MAD1L1: variants seen among roughly 807,000 people sequenced by gnomAD.
MAD1L1 encodes mitotic arrest deficient 1 like 1.
MAD1L1 carries 95 observed loss-of-function variants against 96.9 expected under a neutral mutation model. The ratio of observed to expected loss-of-function variants is 0.98; its 90% CI spans 0.83 to 1.16. The LOEUF is 1.16. Ranked by LOEUF, MAD1L1 falls within the 50% of genes most tolerant of loss-of-function variation. The probability of loss-of-function intolerance (pLI) is 0.00; values close to 1 mark genes in which losing one functional copy is unlikely to be tolerated. For missense variants in MAD1L1, 1,007 were observed against 954.4 expected (o/e 1.06, Z -0.73); for synonymous variants, 473 against 396.6 (o/e 1.19, Z -2.29).
intron 14 of MAD1L1, among the ~76,000 whole-genome samples, chr7:1,989,620 C>A (rs988674216): frequency 9.9e-5 from 15 of 152,240 alleles, no homozygotes; most frequent in African/African-American, 3.6e-4. Context: ...GCACAGACGT[C>A]CCGGCAGCGC....
At chr7:2,037,155 C>T (rs914250034) in intron 12 of MAD1L1, among the ~76,000 whole-genome samples, 2 of 152,120 alleles carry the variant, frequency 1.3e-5, no homozygotes, top group Admixed American at 6.5e-5. Context: ...GTTCCAGTGC[C>T]TTCTGCCACG....
rs758492197 is a variant in MAD1L1, at chr7:2,227,854, C to T, written c.150+2130G>A. Among the ~76,000 whole-genome samples, 16 of 152,332 alleles carry T rather than the reference C, an allele frequency of 1.1e-4. 1 individual carries two copies. The South Asian group carries it at 1.5e-3, about 14-fold the overall frequency. ...CGGCAGGGACCAGGAGTCCCAGACACACCTGATCCGTGTGCCACCTCTGCC... is the reference window on the plus strand; with the variant it reads ...CGGCAGGGACCAGGAGTCCCAGACATACCTGATCCGTGTGCCACCTCTGCC... On this transcript the variant is annotated intron_variant, in intron 3 of 18. Transcript: ENST00000265854.
intron 11 of MAD1L1, among the ~76,000 whole-genome samples, chr7:2,134,139 G>A (rs751170284): frequency 9.2e-5 from 14 of 152,302 alleles, no homozygotes; most frequent in African/African-American, 1.7e-4. Flanking sequence ...CCTCCTACCC[G>A]TGAACATAGA....
intron 10 of MAD1L1, chr7:2,175,330 C>T (rs1176137536): frequency 2.0e-5 from 3 of 152,270 alleles, no homozygotes; most frequent in South Asian, 2.1e-4. Context: ...GTGGTCAAAA[C>T]TCTGCAGCAC....
intron 16 of MAD1L1, among the ~76,000 whole-genome samples, chr7:1,944,423 G>T (rs528926787): frequency 1.3e-5 from 2 of 152,300 alleles, no homozygotes; most frequent in South Asian, 4.2e-4. Flanking sequence ...GTGAGAAACA[G>T]CAGGAAGCGT....
At chr7:2,216,062 G>C in intron 8 of MAD1L1, 63 bp from the exon 9 acceptor site, 1 of 1,610,002 alleles carries the variant, frequency 6.2e-7, no homozygotes, top group Non-Finnish European at 8.5e-7. Context: ...CCAAGAGCCC[G>C]GGAGCCCTGC....
chr7:2,024,118 A>T (rs567582856), intron 12 of MAD1L1, among the ~76,000 whole-genome samples: 119 of 152,012 alleles, frequency 7.8e-4, no homozygotes, highest in African/African-American at 1.2e-3. Context: ...TAAAAAAAAA[A>T]AATAAAAAAA....
chr7:1,954,824 C>T lies in MAD1L1; in HGVS notation c.1596+2805G>A, dbSNP rs145771032. Among the ~76,000 whole-genome samples the T allele has an allele frequency of 4.0e-3, 607 of 152,294 alleles. 5 individuals are homozygous for T. Among genetic ancestry groups the T allele is most frequent in the African/African-American group, 0.013 (557 of 41,566 alleles). ...ACCGTCCGTGGGTGCCCCGAGCTCT[C>T]CCACCCCCACCACGGGATGGGAGGG... On this transcript the variant is annotated intron_variant, in intron 16 of 18. Coordinates refer to ENST00000265854, the MANE Select transcript of MAD1L1 (RefSeq NM_001013836.2).
At chr7:2,161,120 T>TG (rs149181358) in intron 10 of MAD1L1, among the ~76,000 whole-genome samples, 1 of 25,618 alleles carries the variant, frequency 3.9e-5, no homozygotes, top group Non-Finnish European at 8.0e-5. Context: ...CCCCTCCCCC[T>TG]CCCTCTCCCC....
intron 17 of MAD1L1, among the ~76,000 whole-genome samples, chr7:1,899,515 G>T (rs1210963696): frequency 2.0e-5 from 3 of 152,236 alleles, no homozygotes; most frequent in Non-Finnish European, 4.4e-5. Flanking sequence ...ACCAGGCACG[G>T]GATGGTCAGC....
rs1472300598 is a variant in MAD1L1 at position 1,829,644 on chromosome 7, G to A, written c.1999-13416C>T. ...GACAGCAAAGAGTCTTGAAAAAGTA[G>A]TGGCCCCAATTTTCTGAAATGTGTG... On this transcript the variant is annotated intron_variant, in intron 18 of 18. Coordinates refer to ENST00000265854, the MANE Select transcript of MAD1L1 (RefSeq NM_001013836.2). The A allele has an allele frequency of 2.0e-5, 3 of 151,434 alleles. No homozygotes were observed. In the South Asian group the frequency reaches 6.2e-4, roughly 32 times the overall value. The allele number at this position is 151,434 out of a possible 1,614,324, so 9.4% of individuals were successfully genotyped here. A position where few individuals can be genotyped will look rare whatever the true frequency, so the allele number is the denominator to read the frequency against.
At chr7:1,910,155 A>G (rs1395260021) in intron 17 of MAD1L1, among the ~76,000 whole-genome samples, 1 of 152,030 alleles carries the variant, frequency 6.6e-6, no homozygotes, top group Non-Finnish European at 1.5e-5. Flanking sequence ...CCGAGAACAC[A>G]GCAGCTGAAC....
chr7:2,002,424 C>T (rs1220673240), intron 13 of MAD1L1, among the ~76,000 whole-genome samples: 1 of 152,206 alleles, frequency 6.6e-6, no homozygotes, highest in African/African-American at 2.4e-5. Flanking sequence ...ATGGGGTGGA[C>T]AGGGGTGGGC....
At chr7:2,060,155 G>A (rs776737836) in intron 12 of MAD1L1, among the ~76,000 whole-genome samples, 5 of 147,632 alleles carry the variant, frequency 3.4e-5, no homozygotes, top group African/African-American at 7.6e-5. Context: ...GCCAAGATAC[G>A]CCGAAGCCGA....
At chr7:2,084,297 G>T (rs1457823382) in intron 11 of MAD1L1, among the ~76,000 whole-genome samples, 1 of 152,244 alleles carries the variant, frequency 6.6e-6, no homozygotes, top group Non-Finnish European at 1.5e-5. Flanking sequence ...CCTGTCCACA[G>T]GTGTGGCCGG....
chr7:2,218,487 G>A (rs184765841), intron 6 of MAD1L1, among the ~76,000 whole-genome samples: 1 of 152,332 alleles, frequency 6.6e-6, no homozygotes, highest in Admixed American at 6.5e-5. Context: ...TGCAGGAGAT[G>A]CCCACAGTCT....
At chr7:1,964,698 A>C (rs1780087428) in intron 15 of MAD1L1, among the ~76,000 whole-genome samples, 1 of 152,262 alleles carries the variant, frequency 6.6e-6, no homozygotes, top group Admixed American at 6.5e-5. Context: ...AGATGACGCC[A>C]ATCAAAGCAG....
At chr7:1,847,167 CA>C (rs1783673062) in intron 18 of MAD1L1, 1 of 435,228 alleles carries the variant, frequency 2.3e-6, no homozygotes, top group Non-Finnish European at 4.8e-6. Flanking sequence ...GTCCTGGGAA[CA>C]AGGAGTTCCT....
intron 14 of MAD1L1, among the ~76,000 whole-genome samples, chr7:2,000,580 G>A (rs552533455): frequency 6.6e-6 from 1 of 152,136 alleles, no homozygotes; most frequent in African/African-American, 2.4e-5. Context: ...GGCTCAGGAC[G>A]CTCTGCAGAG....
Sources: gnomAD v4.1 joint callset for allele counts (sites outside exome capture counted in the v4.1 genomes callset) on GRCh38, gnomAD v4.1.1 for gene constraint, MANE v1.5 for transcripts, NCBI Gene and HGNC (gene_info 2026-07-23, HGNC 2026-07-21) for gene names.